FBXL14: variants seen among roughly 807,000 people sequenced by gnomAD.
FBXL14 encodes the protein F-box and leucine rich repeat protein 14.
FBXL14 carries 11 observed loss-of-function variants against 24.5 expected under a neutral mutation model. The ratio of observed to expected loss-of-function variants is 0.45; its 90% CI spans 0.28 to 0.74. FBXL14 has a LOEUF of 0.74. FBXL14 is among the 30% of genes least tolerant of loss of function. The pLI is 0.12. For missense variants in FBXL14, 384 were observed against 545.6 expected, an observed-to-expected ratio of 0.70 and a Z score of 2.95; for synonymous variants, 294 against 240.4, an observed-to-expected ratio of 1.22 and a Z score of -2.06.
intron 1 of FBXL14, among the ~76,000 whole-genome samples, chr12:1,578,668 T>G (rs1245595021): frequency 5.3e-5 from 8 of 152,008 alleles, no homozygotes; most frequent in African/African-American, 1.9e-4. Flanking sequence ...GGATAGTTTG[T>G]CCAACATGGT....
intron 1 of FBXL14, among the ~76,000 whole-genome samples, chr12:1,590,508 A>C (rs531320917): frequency 6.6e-6 from 1 of 152,172 alleles, no homozygotes; most frequent in Non-Finnish European, 1.5e-5. Flanking sequence ...CTGTTGGAGC[A>C]CTCACACCCA....
Position 1,567,821 on chromosome 12 carries a change from A to G in FBXL14, c.1195-1011T>C, listed in dbSNP as rs959708657. Among the ~76,000 whole-genome samples the G allele has an allele frequency of 3.3e-5, 5 of 152,274 alleles. No individual in the cohort carries two copies. Among genetic ancestry groups the G allele is most frequent in the African/African-American group, 1.2e-4 (5 of 41,478 alleles). ...ACAGCTGAGGAGAGGATCTCTGAGC[A>G]TAAGGTTATCTCAATAGAAACCTCC... On this transcript the variant is annotated intron_variant, in intron 1 of 1. Coordinates refer to ENST00000339235, the MANE Select transcript of FBXL14 (RefSeq NM_152441.3). This position sits in a 1 kb window ranked among gnomAD's most constrained non-coding sequence, Gnocchi z 4.8.
At chr12:1,586,868 A>G (rs898475006) in intron 1 of FBXL14, among the ~76,000 whole-genome samples, 1 of 152,068 alleles carries the variant, frequency 6.6e-6, no homozygotes, top group Non-Finnish European at 1.5e-5. Flanking sequence ...TGTAATTGAG[A>G]CTCATTTGTT....
rs1488579279 is a variant in FBXL14 at position 1,592,986 on chromosome 12, T to C, written c.1081A>G (p.Ile361Val). Residue 361 changes from isoleucine to valine, a missense_variant, in exon 1 of 2, where the codon ATA becomes GTA. Transcript: ENST00000339235. ...ATTCGGGTGCAGCCGTACAGGTCTA[T>C]GCCGGTGAGTTGGCTCAGGTGCTCA... is the stretch of plus-strand genomic sequence containing the variant. ...IAEHLSQLTG[I>V]DLYGCTRITK... is the part of the protein sequence containing the mutation. 4 of 1,613,090 alleles carry C rather than the reference T, an allele frequency of 2.5e-6. No individual in the cohort carries two copies. The highest frequency in any genetic ancestry group is 1.1e-5 in the South Asian group (1 of 91,078).
chr12:1,583,239 T>C (rs1211535269), intron 1 of FBXL14, among the ~76,000 whole-genome samples: 1 of 152,166 alleles, frequency 6.6e-6, no homozygotes, highest in Non-Finnish European at 1.5e-5. Flanking sequence ...TAAAAAAAAC[T>C]AGCTCTTTTT....
intron 1 of FBXL14, among the ~76,000 whole-genome samples, chr12:1,582,641 T>C (rs142369240): frequency 1.3e-5 from 2 of 152,198 alleles, no homozygotes; most frequent in Admixed American, 6.5e-5. Flanking sequence ...ATTTGCCTTA[T>C]GCACAGGCCC....
chr12:1,591,827 G>C (rs1416929911), intron 1 of FBXL14, among the ~76,000 whole-genome samples: 2 of 152,182 alleles, frequency 1.3e-5, no homozygotes, highest in East Asian at 1.9e-4. Context: ...ACTTGGAAGA[G>C]GGTGAGGGTA....
intron 1 of FBXL14, among the ~76,000 whole-genome samples, chr12:1,586,346 G>A (rs1209122499): frequency 2.0e-5 from 3 of 151,956 alleles, no homozygotes; most frequent in Non-Finnish European, 2.9e-5. Flanking sequence ...GCAACAGAGC[G>A]AGACTCTGTC....
intron 1 of FBXL14, among the ~76,000 whole-genome samples, 158 bp from the exon 2 acceptor site, chr12:1,566,968 C>CG (rs2094437421): frequency 6.6e-6 from 1 of 152,108 alleles, no homozygotes; most frequent in African/African-American, 2.4e-5. Flanking sequence ...AGCCATCTCC[C>CG]GGCTCACTTA....
chr12:1,588,168 A>C (rs561645949), intron 1 of FBXL14, among the ~76,000 whole-genome samples: 2 of 152,346 alleles, frequency 1.3e-5, no homozygotes, highest in East Asian at 3.9e-4. Context: ...TCTTTTAATC[A>C]AGAGGTTCTT....
At chr12:1,585,630 G>A (rs541607904) in intron 1 of FBXL14, among the ~76,000 whole-genome samples, 2 of 152,326 alleles carry the variant, frequency 1.3e-5, no homozygotes, top group African/African-American at 4.8e-5. Flanking sequence ...GATCCATGAT[G>A]TAAGGAGTAA....
At chr12:1,581,782 ATTC>A (rs1214386996) in intron 1 of FBXL14, among the ~76,000 whole-genome samples, 1 of 152,176 alleles carries the variant, frequency 6.6e-6, no homozygotes, top group African/African-American at 2.4e-5. Flanking sequence ...CTAGAGTCAA[ATTC>A]AAAGGTTGTT....
chr12:1,574,201 A>G (rs1171607987), intron 1 of FBXL14, among the ~76,000 whole-genome samples: 1 of 152,278 alleles, frequency 6.6e-6, no homozygotes, highest in South Asian at 2.1e-4. Flanking sequence ...ATACGATCCT[A>G]TGACATTTTT....
At chr12:1,592,771 A>G (rs1177278270) in intron 1 of FBXL14, 102 bp downstream of exon 1, 3 of 1,027,448 alleles carry the variant, frequency 2.9e-6, no homozygotes, top group African/African-American at 1.6e-5. Flanking sequence ...ATCCGCTGCA[A>G]TGATCTGTGC....
intron 1 of FBXL14, among the ~76,000 whole-genome samples, chr12:1,573,027 T>C (rs1364495887): frequency 6.6e-6 from 1 of 152,064 alleles, no homozygotes; most frequent in Non-Finnish European, 1.5e-5. Flanking sequence ...TCTGGGTAGG[T>C]AGAGTGATTT....
chr12:1,590,425 G>A (rs1434513834), intron 1 of FBXL14, among the ~76,000 whole-genome samples: 1 of 152,164 alleles, frequency 6.6e-6, no homozygotes, highest in Non-Finnish European at 1.5e-5. Flanking sequence ...AGCTCTTGCT[G>A]AGATCAGTAT....
intron 1 of FBXL14, among the ~76,000 whole-genome samples, chr12:1,570,174 G>C (rs1291329044): frequency 1.3e-5 from 2 of 152,172 alleles, no homozygotes; most frequent in African/African-American, 4.8e-5. Context: ...TGACTCAAAG[G>C]CCAGTAGATT....
chr12:1,586,435 G>T lies in FBXL14; in HGVS notation c.1194+6438C>A, dbSNP rs998764918. ...TCGCCCAGGCTGGTCTTGAACTCGT[G>T]TGTTCAAGTGATCCTCCCACCTCAG... On this transcript the variant is annotated intron_variant, in intron 1 of 1. Transcript: ENST00000339235. Among the ~76,000 whole-genome samples, 4 of 152,134 alleles carry T rather than the reference G, an allele frequency of 2.6e-5. 1 individual carries two copies. In the East Asian group the frequency reaches 7.7e-4, roughly 29 times the overall value.
chr12:1,568,038 A>C (rs753266025), intron 1 of FBXL14, among the ~76,000 whole-genome samples: 1 of 152,254 alleles, frequency 6.6e-6, no homozygotes, highest in Non-Finnish European at 1.5e-5. Flanking sequence ...AATTAATGTC[A>C]GACACTAAAC....
Sources: allele counts gnomAD v4.1 joint callset (sites outside exome capture counted in the v4.1 genomes callset), GRCh38; gene constraint gnomAD v4.1.1; non-coding constraint Gnocchi (gnomAD v3.1); transcripts MANE v1.5; gene names NCBI Gene and HGNC (gene_info 2026-07-23, HGNC 2026-07-21).